The following TMEM132C variants were observed in gnomAD, a reference collection of about 807,000 sequenced individuals.
The protein encoded by TMEM132C is protein phosphatase 1, regulatory subunit 152.
A neutral mutation model predicts 61.4 loss-of-function variants in TMEM132C; 29 were observed. The observed-to-expected ratio is 0.47, with a 90% CI of 0.35 to 0.64. TMEM132C has a LOEUF of 0.64. Ranked by LOEUF, TMEM132C falls within the 30% of genes least tolerant of loss-of-function variation. The pLI is 0.00. For missense variants in TMEM132C, 1,408 were observed against 1,476.9 expected, an observed-to-expected ratio of 0.95 and a Z score of 0.76; for synonymous variants, 656 against 633.1, an observed-to-expected ratio of 1.04 and a Z score of -0.54.
chr12:128,667,220 T>TGC (rs1230223041), intron 4 of TMEM132C, among the ~76,000 whole-genome samples: 2 of 152,176 alleles, frequency 1.3e-5, no homozygotes, highest in Admixed American at 6.5e-5. Context: ...TGTGTGTGTG[T>TGC]GCGCATGTGT....
At chr12:128,410,942 C>G (rs2136017963) in intron 1 of TMEM132C, among the ~76,000 whole-genome samples, 2 of 152,280 alleles carry the variant, frequency 1.3e-5, no homozygotes, top group Middle Eastern at 6.8e-3. Flanking sequence ...GTTCTTTCAA[C>G]TTTCTTCTTA....
chr12:128,463,855 A>G (rs1404553893), intron 2 of TMEM132C, among the ~76,000 whole-genome samples: 1 of 152,074 alleles, frequency 6.6e-6, no homozygotes, highest in Non-Finnish European at 1.5e-5. Flanking sequence ...GGAGTGGGCA[A>G]ACTCCAAGAT....
At chr12:128,552,672 G>A (rs1479834767) in intron 3 of TMEM132C, among the ~76,000 whole-genome samples, 3 of 152,180 alleles carry the variant, frequency 2.0e-5, no homozygotes, top group Non-Finnish European at 4.4e-5. Flanking sequence ...ATTTTGGGAA[G>A]CCGAGGCTGG....
chr12:128,638,149 G>A (rs1277800927), intron 4 of TMEM132C, among the ~76,000 whole-genome samples: 1 of 152,158 alleles, frequency 6.6e-6, no homozygotes, highest in Non-Finnish European at 1.5e-5. Context: ...AGTGACTGAA[G>A]GCTAAATAAT....
At chr12:128,385,388 C>T (rs10847605) in intron 1 of TMEM132C, among the ~76,000 whole-genome samples, 4,099 of 11,038 alleles carry the variant, frequency 0.37, 785 homozygotes, top group African/African-American at 0.47. Flanking sequence ...TGCAAAGATT[C>T]GAGACATAAA....
At chr12:128,565,969 A>G (rs1427857897) in intron 3 of TMEM132C, among the ~76,000 whole-genome samples, 1 of 152,108 alleles carries the variant, frequency 6.6e-6, no homozygotes, top group Admixed American at 6.5e-5. Flanking sequence ...GGCTCACTGC[A>G]ACCTCCGCCA....
chr12:128,610,914 G>A (rs981019175), intron 3 of TMEM132C, among the ~76,000 whole-genome samples: 1 of 152,100 alleles, frequency 6.6e-6, no homozygotes, highest in African/African-American at 2.4e-5. Flanking sequence ...TCGTTCTCAG[G>A]AAGCTCCTGA....
At chr12:128,462,468 C>T (rs1870567813) in intron 2 of TMEM132C, among the ~76,000 whole-genome samples, 1 of 152,156 alleles carries the variant, frequency 6.6e-6, no homozygotes, top group South Asian at 2.1e-4. Flanking sequence ...CCTGGTTTCC[C>T]TTGCGTTCTT....
intron 6 of TMEM132C, among the ~76,000 whole-genome samples, chr12:128,694,529 G>A (rs1396589911): frequency 6.6e-6 from 1 of 152,190 alleles, no homozygotes; most frequent in Non-Finnish European, 1.5e-5. Context: ...ACATGCAAGA[G>A]TATGGGGTCT....
At chr12:128,686,257 T>A (rs1954676103) in intron 5 of TMEM132C, among the ~76,000 whole-genome samples, 1 of 152,184 alleles carries the variant, frequency 6.6e-6, no homozygotes, top group Non-Finnish European at 1.5e-5. Flanking sequence ...TGAGCACCTT[T>A]CCCTGCCAAG....
At chr12:128,308,729 T>C (rs1045707442) in intron 1 of TMEM132C, among the ~76,000 whole-genome samples, 2 of 152,250 alleles carry the variant, frequency 1.3e-5, no homozygotes, top group Middle Eastern at 6.8e-3. Context: ...GGAGCTGACC[T>C]TCATGAAGCA....
At chr12:128,367,918 G>A (rs1873916092) in intron 1 of TMEM132C, among the ~76,000 whole-genome samples, 2 of 152,136 alleles carry the variant, frequency 1.3e-5, no homozygotes, top group African/African-American at 4.8e-5. Flanking sequence ...TTTGAGGCTT[G>A]CATTCTATTT....
intron 3 of TMEM132C, among the ~76,000 whole-genome samples, chr12:128,610,113 C>T (rs1404044912): frequency 2.0e-5 from 3 of 152,200 alleles, no homozygotes; most frequent in Non-Finnish European, 4.4e-5. Flanking sequence ...ATGAGACTTT[C>T]TAAGAAAGCC....
At chr12:128,398,729 G>A (rs993317160) in intron 1 of TMEM132C, among the ~76,000 whole-genome samples, 4 of 152,128 alleles carry the variant, frequency 2.6e-5, no homozygotes, top group East Asian at 3.9e-4. Context: ...GATACTTCAC[G>A]CATAGGGATG....
chr12:128,398,450 G>C (rs1221228045), intron 1 of TMEM132C, among the ~76,000 whole-genome samples: 5 of 152,218 alleles, frequency 3.3e-5, no homozygotes, highest in Non-Finnish European at 2.9e-5. Context: ...TAGTTCATAA[G>C]GTTTTCATCC....
At chr12:128,317,941 A>G (rs2135932103) in intron 1 of TMEM132C, among the ~76,000 whole-genome samples, 1 of 152,348 alleles carries the variant, frequency 6.6e-6, no homozygotes, top group Middle Eastern at 3.4e-3. Flanking sequence ...TCTCAGAAAC[A>G]AGTAAATTTT....
At chr12:128,675,795 A>C (rs1387350536) in intron 5 of TMEM132C, among the ~76,000 whole-genome samples, 1 of 152,134 alleles carries the variant, frequency 6.6e-6, no homozygotes, top group Non-Finnish European at 1.5e-5. Flanking sequence ...TAGGTTAGAT[A>C]GATAAGTGAT....
At chr12:128,561,929 G>A (rs1203157309) in intron 3 of TMEM132C, among the ~76,000 whole-genome samples, 10 of 152,180 alleles carry the variant, frequency 6.6e-5, no homozygotes, top group Admixed American at 6.5e-4. Context: ...TGCAAGCCCA[G>A]CCAATGGGAG....
chr12:128,526,964 G>T (rs537879293), intron 2 of TMEM132C, among the ~76,000 whole-genome samples: 2 of 152,310 alleles, frequency 1.3e-5, no homozygotes, highest in African/African-American at 4.8e-5. Flanking sequence ...CACCTAGACA[G>T]TGGCAGTGAG....
Sources: allele counts gnomAD v4.1 joint callset (sites outside exome capture counted in the v4.1 genomes callset), GRCh38; gene constraint gnomAD v4.1.1; transcripts MANE v1.5; gene names NCBI Gene and HGNC (gene_info 2026-07-23, HGNC 2026-07-21).